The following CAST variants were observed in gnomAD, a reference collection of about 807,000 sequenced individuals.
CAST encodes calpastatin, also known as MIR583 host.
CAST carries 76 observed loss-of-function variants against 119.6 expected under a neutral mutation model. That is an observed-to-expected ratio of 0.64 (90% CI 0.53 to 0.77). The LOEUF (loss-of-function observed/expected upper bound fraction) is 0.77, where lower values mean the gene tolerates loss of function less well. Ranked by LOEUF, CAST falls within the 30% of genes least tolerant of loss-of-function variation. The pLI is 0.00. For missense variants in CAST, 953 were observed against 946.5 expected, an observed-to-expected ratio of 1.01 and a Z score of -0.09; for synonymous variants, 319 against 331.6, an observed-to-expected ratio of 0.96 and a Z score of 0.41.
intron 22 of CAST, among the ~76,000 whole-genome samples, chr5:96,756,177 G>C (rs1349005260): frequency 2.6e-5 from 4 of 152,172 alleles, no homozygotes; most frequent in African/African-American, 7.2e-5. Flanking sequence ...TCTCCTCAGT[G>C]AGATTTGGCT....
intron 3 of CAST, among the ~76,000 whole-genome samples, chr5:96,705,327 A>G: frequency 6.6e-6 from 1 of 151,960 alleles, no homozygotes. Flanking sequence ...AAAAAAATAT[A>G]TATATAAAGA....
the CAST span, among the ~76,000 whole-genome samples, chr5:96,032,363 A>C: frequency 1.0e-3 from 157 of 152,264 alleles, no homozygotes; most frequent in East Asian, 4.4e-3. Flanking sequence ...GGTAAAAAAA[A>C]GTTGGACTTG....
At chr5:96,168,303 G>C in the CAST span, among the ~76,000 whole-genome samples, 1 of 152,176 alleles carries the variant, frequency 6.6e-6, no homozygotes, top group Non-Finnish European at 1.5e-5. Context: ...TGCAGTGAAT[G>C]ACTCCAGCTT....
At chr5:96,375,944 A>AAT in the CAST span, among the ~76,000 whole-genome samples, 355 of 147,054 alleles carry the variant, frequency 2.4e-3, 3 homozygotes, top group South Asian at 0.026. Flanking sequence ...TATAAATATA[A>AAT]ATATATATAT....
chr5:96,294,879 A>T, the CAST span, among the ~76,000 whole-genome samples: 1 of 152,188 alleles, frequency 6.6e-6, no homozygotes, highest in South Asian at 2.1e-4. Context: ...TTCCTGTAAC[A>T]TTAAGTTTTC....
chr5:96,362,842 G>T, the CAST span, among the ~76,000 whole-genome samples: 1 of 152,108 alleles, frequency 6.6e-6, no homozygotes. Context: ...AGTTTAATTA[G>T]ATCCCATTTG....
the CAST span, among the ~76,000 whole-genome samples, chr5:96,041,795 G>A: frequency 2.0e-5 from 3 of 151,974 alleles, no homozygotes; most frequent in Non-Finnish European, 2.9e-5. Context: ...GGTTCTCTGG[G>A]GGACGATCTA....
At chr5:96,750,705 G>T in intron 20 of CAST, 23 bp downstream of exon 20, 1 of 1,500,160 alleles carries the variant, frequency 6.7e-7, no homozygotes, top group South Asian at 1.1e-5. Flanking sequence ...CTGGGCATTT[G>T]AGCAGTGGCT....
the CAST span, among the ~76,000 whole-genome samples, chr5:96,283,843 C>CA: frequency 6.6e-6 from 1 of 152,318 alleles, no homozygotes; most frequent in Non-Finnish European, 1.5e-5. Flanking sequence ...AATGACTTCA[C>CA]AAACTGTTAG....
At chr5:96,334,687 A>G in the CAST span, among the ~76,000 whole-genome samples, 1 of 152,152 alleles carries the variant, frequency 6.6e-6, no homozygotes, top group Non-Finnish European at 1.5e-5. Flanking sequence ...TCCCAATTAA[A>G]TAACCACTTC....
At chr5:96,411,268 T>G in the CAST span, among the ~76,000 whole-genome samples, 1 of 152,242 alleles carries the variant, frequency 6.6e-6, no homozygotes, top group Admixed American at 6.5e-5. Flanking sequence ...GTTTTGCACT[T>G]GCTCATATTT....
chr5:95,962,046 T>C, the CAST span: 1 of 403,836 alleles, frequency 2.5e-6, no homozygotes, highest in Non-Finnish European at 4.4e-6. Context: ...GGTAAGAGGC[T>C]GACGTCTAGG....
intron 1 of CAST, among the ~76,000 whole-genome samples, chr5:96,533,031 A>T (rs1488391963): frequency 4.3e-5 from 6 of 140,828 alleles, no homozygotes; most frequent in East Asian, 2.0e-4. Context: ...TCTCAAAAAA[A>T]AAAAAATAAA....
chr5:96,311,151 G>A, the CAST span, among the ~76,000 whole-genome samples: 1 of 151,888 alleles, frequency 6.6e-6, no homozygotes, highest in Non-Finnish European at 1.5e-5. Flanking sequence ...GTCTCAAGAT[G>A]TTCTTAAATT....
At chr5:96,167,912 C>A in the CAST span, among the ~76,000 whole-genome samples, 1 of 152,156 alleles carries the variant, frequency 6.6e-6, no homozygotes, top group Non-Finnish European at 1.5e-5. Flanking sequence ...TGAACAATCC[C>A]TGAGGAGTAG....
the CAST span, among the ~76,000 whole-genome samples, chr5:96,232,082 T>C: frequency 6.6e-6 from 1 of 152,104 alleles, no homozygotes; most frequent in Non-Finnish European, 1.5e-5. Context: ...AACAATAAAC[T>C]TTTCATACAT....
At chr5:96,019,798 T>C in the CAST span, among the ~76,000 whole-genome samples, 44 of 152,294 alleles carry the variant, frequency 2.9e-4, no homozygotes, top group Middle Eastern at 3.4e-3. Context: ...TAAACGTAAA[T>C]AGACATTTTA....
intron 8 of CAST, 60 bp downstream of exon 8, chr5:96,729,785 C>T: frequency 2.6e-6 from 2 of 777,106 alleles, no homozygotes; most frequent in Admixed American, 3.7e-5. Flanking sequence ...GATACGGTTC[C>T]CCTGTTCACA....
the CAST span, among the ~76,000 whole-genome samples, chr5:96,116,164 C>A: frequency 1.3e-5 from 2 of 152,024 alleles, no homozygotes; most frequent in African/African-American, 2.4e-5. Flanking sequence ...CTAGTTTTAC[C>A]TTTTCCAGAT....
Sources: gnomAD v4.1 joint callset for allele counts (sites outside exome capture counted in the v4.1 genomes callset) on GRCh38, gnomAD v4.1.1 for gene constraint, MANE v1.5 for transcripts, NCBI Gene and HGNC (gene_info 2026-07-23, HGNC 2026-07-21) for gene names.